Variants in CDH11 observed in about 807,000 individuals in gnomAD.
The protein encoded by CDH11 is cadherin-11.
CDH11 carries 11 observed loss-of-function variants against 67.8 expected under a neutral mutation model. The observed-to-expected ratio is 0.16, with a 90% CI of 0.10 to 0.27. The LOEUF (loss-of-function observed/expected upper bound fraction) is 0.27, where lower values mean the gene tolerates loss of function less well. Among genes scored for constraint, CDH11 ranks in the 10% least tolerant of loss-of-function variants. The pLI, the probability that CDH11 is intolerant of heterozygous loss-of-function variation, is 1.00. For synonymous variants in CDH11, 419 were observed against 400.0 expected (o/e 1.05, Z -0.57); for missense variants, 847 against 1,031.2 (o/e 0.82, Z 2.45).
intron 2 of CDH11, among the ~76,000 whole-genome samples, chr16:65,030,639 C>T (rs2073624442): frequency 6.6e-6 from 1 of 152,120 alleles, no homozygotes; most frequent in South Asian, 2.1e-4. Flanking sequence ...GGGGCCGTTT[C>T]GGCTCACTGC....
chr16:64,948,636 C>A (rs1567480745), intron 12 of CDH11: 1 of 1,611,898 alleles, frequency 6.2e-7, no homozygotes. Context: ...TCTCTGTAGC[C>A]ACCACATAGA....
At chr16:65,094,883 C>G (rs2074860711) in intron 1 of CDH11, 1 of 151,896 alleles carries the variant, frequency 6.6e-6, no homozygotes, top group Non-Finnish European at 1.5e-5. Flanking sequence ...CCGAGACTTT[C>G]CAGCTTGCAG....
At chr16:64,981,118 T>C (rs2072331033) in intron 8 of CDH11, 1 of 95,034 alleles carries the variant, frequency 1.1e-5, no homozygotes, top group Non-Finnish European at 2.1e-5. Context: ...TTTTTTTTTT[T>C]TTTTTGAGAC....
At chr16:64,990,260 C>A (rs1470268118) in intron 6 of CDH11, among the ~76,000 whole-genome samples, 1 of 152,124 alleles carries the variant, frequency 6.6e-6, no homozygotes, top group African/African-American at 2.4e-5. Flanking sequence ...ATGGAGCATG[C>A]AGCTCTTTGA....
intron 4 of CDH11, among the ~76,000 whole-genome samples, chr16:64,995,282 C>A (rs1264989385): frequency 6.6e-6 from 1 of 151,896 alleles, no homozygotes; most frequent in Non-Finnish European, 1.5e-5. Context: ...CCCGAATAGT[C>A]AAAGCAATCC....
intron 1 of CDH11, chr16:65,059,800 C>T (rs749345124): frequency 6.6e-6 from 1 of 152,174 alleles, no homozygotes; most frequent in East Asian, 1.9e-4. Context: ...TTTCGTTGTA[C>T]CCAAATAATT....
At chr16:65,101,228 T>A (rs368069593) in intron 1 of CDH11, among the ~76,000 whole-genome samples, 1 of 152,168 alleles carries the variant, frequency 6.6e-6, no homozygotes, top group East Asian at 1.9e-4. Context: ...TAATCCATCA[T>A]TGCTGAGACA....
intron 1 of CDH11, among the ~76,000 whole-genome samples, chr16:65,078,976 C>T (rs558070761): frequency 4.6e-5 from 7 of 152,274 alleles, no homozygotes; most frequent in South Asian, 2.1e-4. Context: ...GAAATTACCC[C>T]GGCCTAATAT....
chr16:64,956,729 C>T (rs1356985800), intron 11 of CDH11, among the ~76,000 whole-genome samples: 1 of 152,176 alleles, frequency 6.6e-6, no homozygotes, highest in African/African-American at 2.4e-5. Context: ...TTAGTCCAAC[C>T]TGGACTCCTA....
chr16:64,988,395 A>G (rs1447444666), intron 6 of CDH11, 51 bp from the exon 7 acceptor site: 1 of 1,454,294 alleles, frequency 6.9e-7, no homozygotes, highest in Non-Finnish European at 9.3e-7. Flanking sequence ...TGGCAGCTGT[A>G]AGACTATAGA....
At chr16:64,957,584 G>A (rs2071547460) in intron 11 of CDH11, among the ~76,000 whole-genome samples, 1 of 143,238 alleles carries the variant, frequency 7.0e-6, no homozygotes, top group Admixed American at 7.1e-5. Flanking sequence ...ATATTTCTGT[G>A]CCCACACATG....
At chr16:65,114,258 A>G (rs1206123698) in intron 1 of CDH11, among the ~76,000 whole-genome samples, 3 of 152,304 alleles carry the variant, frequency 2.0e-5, no homozygotes, top group African/African-American at 7.2e-5. Flanking sequence ...AGAAGCTCCC[A>G]TTACAAGTAA....
In CDH11 at chr16:64,952,283, C is replaced by A. The variant is rs370956633; in HGVS notation, c.1643-1265G>T. 2.6e-5 allele frequency among the ~76,000 whole-genome samples: 4 copies of A among 152,272 alleles called. No individual in the cohort carries two copies. The South Asian group carries it at 8.3e-4, about 32-fold the overall frequency. On this transcript the variant is annotated intron_variant, in intron 11 of 12. Coordinates refer to ENST00000268603, the MANE Select transcript of CDH11 (RefSeq NM_001797.4). ...GTATATTTGTATAGAAATACATAAC[C>A]TACTCTTCTGTCATGATTTGTTGAC...
intron 2 of CDH11, among the ~76,000 whole-genome samples, chr16:65,050,811 T>C (rs1294015645): frequency 6.6e-6 from 1 of 151,658 alleles, no homozygotes; most frequent in Non-Finnish European, 1.5e-5. Context: ...AAAAAAAAAC[T>C]ACCAGATTTC....
At chr16:64,993,719 G>C (rs2072690417) in intron 4 of CDH11, among the ~76,000 whole-genome samples, 1 of 152,160 alleles carries the variant, frequency 6.6e-6, no homozygotes, top group Non-Finnish European at 1.5e-5. Flanking sequence ...ATTGAAGAAA[G>C]ATGGGGTTCT....
chr16:65,021,597 C>T (rs924764830), intron 2 of CDH11, among the ~76,000 whole-genome samples: 1 of 137,046 alleles, frequency 7.3e-6, no homozygotes, highest in Non-Finnish European at 1.6e-5. Context: ...TATTAGTTAT[C>T]CATGTTTAAT....
At chr16:65,067,197 A>C (rs1193092701) in intron 1 of CDH11, among the ~76,000 whole-genome samples, 2 of 71,870 alleles carry the variant, frequency 2.8e-5, no homozygotes, top group Non-Finnish European at 8.5e-5. Flanking sequence ...AGTCAACAGG[A>C]AAAAAAAAAA....
chr16:64,980,485 A>G (rs1175660504), intron 8 of CDH11, among the ~76,000 whole-genome samples: 4 of 152,146 alleles, frequency 2.6e-5, no homozygotes, highest in African/African-American at 9.7e-5. Context: ...TTCCTATAGG[A>G]GATAACACCT....
In CDH11 at chr16:65,121,469, G is replaced by C. The variant is rs550021375; in HGVS notation, c.-298+411C>G. Among the ~76,000 whole-genome samples the C allele has an allele frequency of 6.6e-6, 1 of 152,288 alleles. No homozygotes were observed. ...CGCTTTGGGGAAGCGGCGCAGGGCT[G>C]GCGGGCACCGCGCCGTGGGCGACTT... is the stretch of plus-strand genomic sequence containing the variant. On this transcript the variant is annotated intron_variant, in intron 1 of 12. Coordinates refer to ENST00000268603, the MANE Select transcript of CDH11 (RefSeq NM_001797.4). The surrounding 1 kb of genome is among the most constrained non-coding windows in gnomAD (Gnocchi z 4.1).
Sources: allele counts gnomAD v4.1 joint callset (sites outside exome capture counted in the v4.1 genomes callset), GRCh38; gene constraint gnomAD v4.1.1; non-coding constraint Gnocchi (gnomAD v3.1); transcripts MANE v1.5; gene names NCBI Gene and HGNC (gene_info 2026-07-23, HGNC 2026-07-21).